The following PHACTR1 variants were observed in gnomAD, a reference collection of about 807,000 sequenced individuals.
PHACTR1 encodes phosphatase and actin regulator 1.
In PHACTR1, 16 loss-of-function variants were observed where a neutral mutation model predicts 69.2. That is an observed-to-expected ratio of 0.23 (90% CI 0.16 to 0.35). The LOEUF (loss-of-function observed/expected upper bound fraction) is 0.35. Among genes scored for constraint, PHACTR1 ranks in the 10% least tolerant of loss-of-function variants. The pLI is 1.00. For missense variants in PHACTR1, 510 were observed against 734.7 expected (o/e 0.69, Z 3.54); for synonymous variants, 312 against 284.5 (o/e 1.10, Z -0.97).
At chr6:12,767,616 A>G (rs1386624993) in intron 4 of PHACTR1, among the ~76,000 whole-genome samples, 1 of 152,168 alleles carries the variant, frequency 6.6e-6, no homozygotes, top group Non-Finnish European at 1.5e-5. Flanking sequence ...ATAAAGGACT[A>G]CCTGTTCATA....
At chr6:13,011,861 C>G (rs1245472544) in intron 4 of PHACTR1, among the ~76,000 whole-genome samples, 2 of 152,216 alleles carry the variant, frequency 1.3e-5, no homozygotes, top group Non-Finnish European at 2.9e-5. Context: ...GCTCAGAACA[C>G]AATGCAGTAA....
intron 6 of PHACTR1, among the ~76,000 whole-genome samples, chr6:13,173,959 G>A (rs1354021091): frequency 6.6e-6 from 1 of 152,100 alleles, no homozygotes; most frequent in Admixed American, 6.5e-5. Flanking sequence ...CACCTGCCTC[G>A]GCCTCCTAAA....
In PHACTR1 at chr6:13,062,584, G is replaced by A. The variant is rs566854485; in HGVS notation, c.415+9055G>A. Reference sequence around the variant, plus strand: ...ACTGGATTCTGCCTTTGGACCTGATGGTGATAGGCTTCTGGGCTGTTCTGG... The same window carrying A: ...ACTGGATTCTGCCTTTGGACCTGATAGTGATAGGCTTCTGGGCTGTTCTGG... On this transcript the variant is annotated intron_variant, in intron 5 of 14. Transcript: ENST00000332995. Among the ~76,000 whole-genome samples, 231 of 152,222 alleles carry A rather than the reference G, an allele frequency of 1.5e-3. 1 individual carries two copies. Among genetic ancestry groups the A allele is most frequent in the Non-Finnish European group, 2.4e-3 (163 of 67,988 alleles).
intron 7 of PHACTR1, among the ~76,000 whole-genome samples, chr6:13,197,802 G>A (rs1421016220): frequency 6.6e-6 from 1 of 152,156 alleles, no homozygotes; most frequent in East Asian, 1.9e-4. Flanking sequence ...CCCTCCCAGA[G>A]CAGTGCTGGG....
At chr6:13,051,866 G>A (rs1182359977) in intron 4 of PHACTR1, among the ~76,000 whole-genome samples, 1 of 152,126 alleles carries the variant, frequency 6.6e-6, no homozygotes, top group Non-Finnish European at 1.5e-5. Flanking sequence ...ATAGTATCTG[G>A]CAGAGATTTA....
chr6:12,814,571 G>A (rs532167802), intron 4 of PHACTR1, among the ~76,000 whole-genome samples: 15 of 152,198 alleles, frequency 9.9e-5, no homozygotes, highest in African/African-American at 3.4e-4. Context: ...CCCTTGCCCC[G>A]CAGTTTCCCA....
chr6:13,217,424 A>G (rs767932130), intron 8 of PHACTR1, among the ~76,000 whole-genome samples: 24 of 152,236 alleles, frequency 1.6e-4, no homozygotes, highest in Non-Finnish European at 3.4e-4. Flanking sequence ...GACAAAGTCA[A>G]GTAGAAAAGC....
At chr6:13,206,755 T>TACACCC (rs758816166) in intron 8 of PHACTR1, among the ~76,000 whole-genome samples, 1 of 152,048 alleles carries the variant, frequency 6.6e-6, no homozygotes, top group African/African-American at 2.4e-5. Flanking sequence ...AGGGCACACT[T>TACACCC]ACACCCACAC....
intron 4 of PHACTR1, among the ~76,000 whole-genome samples, chr6:12,918,960 C>T (rs1278023749): frequency 6.6e-6 from 1 of 152,076 alleles, no homozygotes; most frequent in East Asian, 1.9e-4. Flanking sequence ...ATAGGGCTCA[C>T]CACTGGCTTT....
At chr6:13,162,882 G>T (rs545926597) in intron 6 of PHACTR1, among the ~76,000 whole-genome samples, 1 of 152,166 alleles carries the variant, frequency 6.6e-6, no homozygotes, top group Admixed American at 6.5e-5. Flanking sequence ...GAGAGCAGGC[G>T]CTGTGCCTCT....
At chr6:12,825,268 G>A (rs1776668126) in intron 4 of PHACTR1, among the ~76,000 whole-genome samples, 1 of 151,040 alleles carries the variant, frequency 6.6e-6, no homozygotes, top group South Asian at 2.1e-4. Flanking sequence ...GGCTATGAGT[G>A]TGCCTCTGCA....
At chr6:13,147,943 C>A (rs1202128162) in intron 5 of PHACTR1, among the ~76,000 whole-genome samples, 1 of 152,098 alleles carries the variant, frequency 6.6e-6, no homozygotes, top group African/African-American at 2.4e-5. Flanking sequence ...CTTAATGTAC[C>A]TTTCTAATTG....
At position 13,201,601 on chromosome 6, in the gene PHACTR1, A is replaced by G. The variant is rs114243732; in HGVS notation, c.665-4214A>G. On this transcript the variant is annotated intron_variant, in intron 7 of 14. Transcript: ENST00000332995. ...GGGCTGGGACCGCATTATCCACACG[A>G]TAAGAGGAGATGAGTGTCTAGACTG... Among the ~76,000 whole-genome samples, 562 of 152,296 alleles carry G rather than the reference A, an allele frequency of 3.7e-3. 5 individuals carry two copies. Among genetic ancestry groups the G allele is most frequent in the African/African-American group, 0.012 (508 of 41,558 alleles).
intron 4 of PHACTR1, among the ~76,000 whole-genome samples, chr6:12,886,375 T>C (rs374056042): frequency 3.3e-5 from 5 of 152,196 alleles, no homozygotes; most frequent in East Asian, 3.8e-4. Flanking sequence ...GCAATTCCCA[T>C]ATCAGAGAAA....
intron 10 of PHACTR1, among the ~76,000 whole-genome samples, chr6:13,269,226 C>T (rs1447037978): frequency 2.6e-5 from 4 of 152,208 alleles, no homozygotes; most frequent in Non-Finnish European, 5.9e-5. Context: ...ATTACCAAAC[C>T]ATTCCATAAA....
intron 5 of PHACTR1, among the ~76,000 whole-genome samples, chr6:13,060,692 C>T (rs1383993518): frequency 1.3e-5 from 2 of 152,022 alleles, no homozygotes; most frequent in Admixed American, 6.6e-5. Context: ...AGGTAATAAG[C>T]GAGGTTATCT....
chr6:13,068,818 G>A (rs1809057182), intron 5 of PHACTR1, among the ~76,000 whole-genome samples: 1 of 152,200 alleles, frequency 6.6e-6, no homozygotes, highest in Non-Finnish European at 1.5e-5. Context: ...TCTTGGGAGG[G>A]AAGGTGAGCA....
At chr6:13,079,684 T>A (rs1003564108) in intron 5 of PHACTR1, among the ~76,000 whole-genome samples, 5 of 152,078 alleles carry the variant, frequency 3.3e-5, no homozygotes, top group African/African-American at 9.7e-5. Context: ...ATTATGGGGT[T>A]CCCATGAGAC....
At chr6:12,728,355 T>G (rs1382152827) in intron 3 of PHACTR1, among the ~76,000 whole-genome samples, 2 of 152,140 alleles carry the variant, frequency 1.3e-5, no homozygotes, top group African/African-American at 4.8e-5. Context: ...CCTACACAAC[T>G]ATTTAATTTT....
Sources: gnomAD v4.1 joint callset for allele counts (sites outside exome capture counted in the v4.1 genomes callset) on GRCh38, gnomAD v4.1.1 for gene constraint, MANE v1.5 for transcripts, NCBI Gene and HGNC (gene_info 2026-07-23, HGNC 2026-07-21) for gene names.